The following HHAT variants were observed in gnomAD, a reference collection of about 807,000 sequenced individuals.
HHAT encodes hedgehog acyltransferase.
In HHAT, 47 loss-of-function variants were observed where a neutral mutation model predicts 70.8. That is an observed-to-expected ratio of 0.66 (90% confidence interval 0.53 to 0.85). HHAT has a LOEUF of 0.85. Among genes scored for constraint, HHAT ranks in the 40% least tolerant of loss-of-function variants. The pLI is 0.00. For synonymous variants in HHAT, 228 were observed against 247.6 expected, an observed-to-expected ratio of 0.92 and a Z score of 0.74; for missense variants, 609 against 604.8, an observed-to-expected ratio of 1.01 and a Z score of -0.07.
intron 11 of HHAT, among the ~76,000 whole-genome samples, chr1:210,668,578 C>T (rs1227866181): frequency 3.3e-5 from 5 of 152,258 alleles, no homozygotes; most frequent in East Asian, 1.9e-4. Flanking sequence ...GTGAGGCCTC[C>T]CCAGCCATGT....
At chr1:210,607,281 C>T (rs1372570566) in intron 10 of HHAT, among the ~76,000 whole-genome samples, 1 of 152,072 alleles carries the variant, frequency 6.6e-6, no homozygotes, top group Non-Finnish European at 1.5e-5. Context: ...TGACTTTGCT[C>T]ACCCTGCTCT....
chr1:210,345,836 C>A (rs1404741840), intron 1 of HHAT, among the ~76,000 whole-genome samples: 1 of 152,136 alleles, frequency 6.6e-6, no homozygotes, highest in African/African-American at 2.4e-5. Flanking sequence ...GTAATCCTAG[C>A]ACTTTGGGAG....
chr1:210,654,284 C>T (rs184587122), intron 11 of HHAT, among the ~76,000 whole-genome samples: 35 of 125,432 alleles, frequency 2.8e-4, no homozygotes, highest in African/African-American at 1.0e-3. Context: ...TCAAGGCAGT[C>T]CCCATTTCTA....
At chr1:210,379,919 G>A (rs1378298550) in intron 3 of HHAT, among the ~76,000 whole-genome samples, 2 of 152,020 alleles carry the variant, frequency 1.3e-5, no homozygotes, top group Admixed American at 1.3e-4. Context: ...GCCTTGAGTT[G>A]GTCAGGATAA....
At chr1:210,470,612 T>C (rs2094187286) in intron 8 of HHAT, among the ~76,000 whole-genome samples, 1 of 152,244 alleles carries the variant, frequency 6.6e-6, no homozygotes, top group South Asian at 2.1e-4. Context: ...TCACAGATAG[T>C]GTGTCCTCTT....
intron 9 of HHAT, among the ~76,000 whole-genome samples, chr1:210,554,435 C>CAGTGCAGG (rs947892103): frequency 2.6e-5 from 4 of 152,090 alleles, no homozygotes; most frequent in Non-Finnish European, 5.9e-5. Context: ...GGTCAGAGCT[C>CAGTGCAGG]AGTGCAGGGT....
chr1:210,566,536 A>T (rs1394215035), intron 9 of HHAT, among the ~76,000 whole-genome samples: 1 of 152,096 alleles, frequency 6.6e-6, no homozygotes, highest in African/African-American at 2.4e-5. Context: ...CCAGAAGCAG[A>T]TGAGGAGACA....
At chr1:210,494,542 C>CTTTTGTTTTTTTTT (rs2094601372) in intron 8 of HHAT, among the ~76,000 whole-genome samples, 1 of 82,850 alleles carries the variant, frequency 1.2e-5, no homozygotes, top group African/African-American at 5.1e-5. Flanking sequence ...TTTGAAATAG[C>CTTTTGTTTTTTTTT]TTTTTTTTTT....
At chr1:210,426,161 T>C (rs1485623135) in intron 7 of HHAT, among the ~76,000 whole-genome samples, 1 of 152,330 alleles carries the variant, frequency 6.6e-6, no homozygotes, top group African/African-American at 2.4e-5. Flanking sequence ...TGTTGGCATA[T>C]AGGTATGCTA....
At chr1:210,587,517 T>A (rs978329730) in intron 9 of HHAT, among the ~76,000 whole-genome samples, 1 of 152,160 alleles carries the variant, frequency 6.6e-6, no homozygotes, top group Admixed American at 6.5e-5. Flanking sequence ...CCAAACCATA[T>A]CACCTGCCTT....
chr1:210,630,989 T>A (rs1450801473), intron 11 of HHAT: 1 of 446,750 alleles, frequency 2.2e-6, no homozygotes, highest in East Asian at 7.0e-5. Flanking sequence ...TGTATTTTTC[T>A]GTTACAGGAG....
At chr1:210,357,069 C>A (rs1335005214) in intron 2 of HHAT, among the ~76,000 whole-genome samples, 1 of 152,228 alleles carries the variant, frequency 6.6e-6, no homozygotes, top group Non-Finnish European at 1.5e-5. Flanking sequence ...TGATGCTTCA[C>A]ATTATATTTG....
intron 11 of HHAT, among the ~76,000 whole-genome samples, chr1:210,636,423 A>G (rs1671871222): frequency 1.3e-5 from 2 of 152,116 alleles, no homozygotes; most frequent in South Asian, 4.1e-4. Flanking sequence ...TGTTAGACTT[A>G]TTGCTTTTGT....
At chr1:210,592,260 GTT>G (rs1172458065) in intron 10 of HHAT, among the ~76,000 whole-genome samples, 1 of 151,938 alleles carries the variant, frequency 6.6e-6, no homozygotes, top group Non-Finnish European at 1.5e-5. Context: ...TGGATATCCA[GTT>G]TTCCCAGCAC....
intron 7 of HHAT, among the ~76,000 whole-genome samples, chr1:210,458,314 C>T (rs2093911986): frequency 6.6e-6 from 1 of 152,166 alleles, no homozygotes; most frequent in South Asian, 2.1e-4. Flanking sequence ...TCATTCCATT[C>T]ATTTGTTCAG....
chr1:210,499,727 G>A (rs115624275), intron 8 of HHAT, among the ~76,000 whole-genome samples: 1,968 of 152,264 alleles, frequency 0.013, 41 homozygotes, highest in African/African-American at 0.045. Context: ...GATGCCCAAG[G>A]AGACACTTAG....
chr1:210,410,971 A>G (rs2092532201), intron 6 of HHAT, among the ~76,000 whole-genome samples: 1 of 152,190 alleles, frequency 6.6e-6, no homozygotes, highest in African/African-American at 2.4e-5. Context: ...GGGAAGTTTT[A>G]GCTTGTGAAA....
intron 7 of HHAT, among the ~76,000 whole-genome samples, chr1:210,418,757 G>A (rs981707811): frequency 2.6e-5 from 4 of 152,186 alleles, no homozygotes; most frequent in Non-Finnish European, 5.9e-5. Flanking sequence ...ATGAGGCTGG[G>A]TGTGGTGGCT....
chr1:210,451,093 A>G (rs1005800183), intron 7 of HHAT, among the ~76,000 whole-genome samples: 3 of 148,294 alleles, frequency 2.0e-5, no homozygotes, highest in African/African-American at 7.9e-5. Context: ...TCTCCAAAAA[A>G]AAAAAAAAAA....
Sources: allele counts gnomAD v4.1 joint callset (sites outside exome capture counted in the v4.1 genomes callset), GRCh38; gene constraint gnomAD v4.1.1; transcripts MANE v1.5; gene names NCBI Gene and HGNC (gene_info 2026-07-23, HGNC 2026-07-21).